The following PPP6R3 variants were observed in gnomAD, a reference collection of about 807,000 sequenced individuals.
The protein encoded by PPP6R3 is protein phosphatase 6 regulatory subunit 3.
PPP6R3 carries 38 observed loss-of-function variants against 110.7 expected under a neutral mutation model. That is an observed-to-expected ratio of 0.34 (90% confidence interval 0.26 to 0.45). The LOEUF (loss-of-function observed/expected upper bound fraction) is 0.45. Ranked by LOEUF, PPP6R3 falls within the 20% of genes least tolerant of loss-of-function variation. The probability of loss-of-function intolerance (pLI) is 1.00; values close to 1 mark genes in which losing one functional copy is unlikely to be tolerated. For synonymous variants in PPP6R3, 369 were observed against 373.5 expected (o/e 0.99, Z 0.14); for missense variants, 870 against 1,062.4 (o/e 0.82, Z 2.52).
At chr11:68,592,589 T>C (rs1444604434) in intron 18 of PPP6R3, among the ~76,000 whole-genome samples, 1 of 152,160 alleles carries the variant, frequency 6.6e-6, no homozygotes, top group East Asian at 1.9e-4. Context: ...TGTGTTTGTC[T>C]CTACAGTCCA....
chr11:68,597,215 A>G (rs1417126987), intron 19 of PPP6R3, among the ~76,000 whole-genome samples: 1 of 152,200 alleles, frequency 6.6e-6, no homozygotes, highest in Non-Finnish European at 1.5e-5. Context: ...GAATGGGTAC[A>G]GGGTGCTAGA....
At chr11:68,481,112 C>T (rs1378239614) in intron 1 of PPP6R3, among the ~76,000 whole-genome samples, 2 of 152,168 alleles carry the variant, frequency 1.3e-5, no homozygotes, top group East Asian at 3.8e-4. Context: ...ATTTATAATA[C>T]ATGGCCTATC....
intron 3 of PPP6R3, among the ~76,000 whole-genome samples, chr11:68,540,560 G>C (rs1414774199): frequency 2.0e-5 from 3 of 152,114 alleles, no homozygotes; most frequent in African/African-American, 4.8e-5. Flanking sequence ...CAGGAGACAG[G>C]GTTTTGAGAT....
intron 1 of PPP6R3, among the ~76,000 whole-genome samples, chr11:68,502,175 C>G (rs1484361218): frequency 2.6e-5 from 4 of 152,022 alleles, no homozygotes; most frequent in East Asian, 1.9e-4. Flanking sequence ...TTTCTAATAG[C>G]CACATGAAGA....
intron 22 of PPP6R3, chr11:68,609,648 A>C (rs1594143336): frequency 6.4e-7 from 1 of 1,554,176 alleles, no homozygotes; most frequent in Non-Finnish European, 8.7e-7. Context: ...GTGTTATGGG[A>C]CCGTTCTTTA....
intron 19 of PPP6R3, 54 bp downstream of exon 19, chr11:68,596,272 G>A (rs1274188224): frequency 8.1e-6 from 13 of 1,609,376 alleles, no homozygotes; most frequent in Non-Finnish European, 1.0e-5. Context: ...TAGGTATTGT[G>A]AACAATTGGC....
chr11:68,609,218 G>A (rs934662602), intron 22 of PPP6R3, among the ~76,000 whole-genome samples: 1 of 152,092 alleles, frequency 6.6e-6, no homozygotes, highest in Non-Finnish European at 1.5e-5. Flanking sequence ...CAGTCCTTCT[G>A]GGTCTCATTT....
At chr11:68,553,709 A>G (rs981636663) in intron 6 of PPP6R3, among the ~76,000 whole-genome samples, 1 of 152,066 alleles carries the variant, frequency 6.6e-6, no homozygotes, top group African/African-American at 2.4e-5. Context: ...AACCAGAGGT[A>G]TTTTGGATTT....
chr11:68,593,315 A>T (rs762864501), intron 18 of PPP6R3, among the ~76,000 whole-genome samples: 1 of 152,190 alleles, frequency 6.6e-6, no homozygotes, highest in African/African-American at 2.4e-5. Context: ...AGCATAATTA[A>T]TGTGAGAGCT....
In PPP6R3 at chr11:68,613,612, T is replaced by G; in HGVS notation, c.*495T>G. 6 of 985,890 alleles carry G rather than the reference T, an allele frequency of 6.1e-6. No homozygotes were observed. Among genetic ancestry groups the G allele is most frequent in the Non-Finnish European group, 7.2e-6 (6 of 830,016 alleles). The allele number at this position is 985,890 out of a possible 1,614,324, so 61.1% of individuals were successfully genotyped here. Reference sequence around the variant, plus strand: ...GTAGAATGAAAATGCCCTCTAAGTGTTATTTTGGTTGTTCTAACTTACAAA... The same window carrying G: ...GTAGAATGAAAATGCCCTCTAAGTGGTATTTTGGTTGTTCTAACTTACAAA... On this transcript the variant is annotated 3_prime_UTR_variant, in exon 24 of 24. Coordinates refer to ENST00000393800, the MANE Select transcript of PPP6R3 (RefSeq NM_001164161.2).
intron 5 of PPP6R3, among the ~76,000 whole-genome samples, chr11:68,549,946 GA>G (rs2099364327): frequency 6.6e-6 from 1 of 152,194 alleles, no homozygotes. Flanking sequence ...AGGAGTCTGG[GA>G]TTGATTAGTT....
intron 16 of PPP6R3, among the ~76,000 whole-genome samples, chr11:68,588,262 G>T (rs1290390819): frequency 6.6e-6 from 1 of 152,084 alleles, no homozygotes; most frequent in East Asian, 1.9e-4. Flanking sequence ...ACTTTGGGGG[G>T]CTGAGGCAGG....
chr11:68,583,776 A>G (rs2153828017), intron 15 of PPP6R3, among the ~76,000 whole-genome samples: 1 of 152,346 alleles, frequency 6.6e-6, no homozygotes, highest in African/African-American at 2.4e-5. Flanking sequence ...GAAAAACAGA[A>G]GCCCTTTTGC....
At chr11:68,495,345 C>T (rs764848874) in intron 1 of PPP6R3, among the ~76,000 whole-genome samples, 1 of 152,146 alleles carries the variant, frequency 6.6e-6, no homozygotes, top group Non-Finnish European at 1.5e-5. Flanking sequence ...TTTGTAACAG[C>T]TTTATTGAGA....
chr11:68,528,684 G>A (rs555059582), intron 2 of PPP6R3, among the ~76,000 whole-genome samples: 14 of 152,264 alleles, frequency 9.2e-5, no homozygotes, highest in Admixed American at 3.3e-4. Flanking sequence ...GATAACTTCC[G>A]TGGGAGTGAC....
chr11:68,542,428 C>G (rs1412448268), intron 3 of PPP6R3, among the ~76,000 whole-genome samples: 1 of 74,274 alleles, frequency 1.3e-5, no homozygotes, highest in Non-Finnish European at 2.4e-5. Flanking sequence ...GAGTCTTGCT[C>G]TGTCATCCAG....
At chr11:68,582,626 G>A (rs1423109385) in intron 14 of PPP6R3, among the ~76,000 whole-genome samples, 6 of 152,236 alleles carry the variant, frequency 3.9e-5, no homozygotes, top group East Asian at 3.8e-4. Context: ...GCGCACTGGC[G>A]CACTGGTAAT....
At chr11:68,494,694 G>A (rs187553023) in intron 1 of PPP6R3, among the ~76,000 whole-genome samples, 3 of 152,164 alleles carry the variant, frequency 2.0e-5, no homozygotes, top group African/African-American at 7.2e-5. Context: ...ACTAGGTATT[G>A]TATAAGCTTA....
Position 68,613,314 on chromosome 11 carries a change from A to G in PPP6R3, c.*197A>G. 2 of 1,336,780 alleles carry G rather than the reference A, an allele frequency of 1.5e-6. No homozygotes were observed. The highest frequency in any genetic ancestry group is 1.9e-6 in the Non-Finnish European group (2 of 1,046,694). The allele number at this position is 1,336,780 out of a possible 1,614,324, so 82.8% of individuals were successfully genotyped here. A position where few individuals can be genotyped will look rare whatever the true frequency, so the allele number is the denominator to read the frequency against. On this transcript the variant is annotated 3_prime_UTR_variant, in exon 24 of 24. Coordinates refer to ENST00000393800, the MANE Select transcript of PPP6R3 (RefSeq NM_001164161.2). ...AGTGTAAAAATATTGCACATTGACA[A>G]ATACCAAGAATTTTTGCGTATGTTT...
Sources: allele counts gnomAD v4.1 joint callset (sites outside exome capture counted in the v4.1 genomes callset), GRCh38; gene constraint gnomAD v4.1.1; transcripts MANE v1.5; gene names NCBI Gene and HGNC (gene_info 2026-07-23, HGNC 2026-07-21).